ANKRD26: variants seen among roughly 807,000 people sequenced by gnomAD.
The protein encoded by ANKRD26 is ankyrin repeat domain-containing protein 26.
ANKRD26 carries 141 observed loss-of-function variants against 208.7 expected under a neutral mutation model. The observed-to-expected ratio is 0.68, with a 90% CI of 0.59 to 0.78. ANKRD26 has a LOEUF of 0.78. Ranked by LOEUF, ANKRD26 falls within the 30% of genes least tolerant of loss-of-function variation. The pLI is 0.00. For synonymous variants in ANKRD26, 636 were observed against 660.4 expected (o/e 0.96, Z 0.57); for missense variants, 1,889 against 1,938.7 (o/e 0.97, Z 0.48).
At chr10:26,992,525 G>T (rs994125403) in intron 5 of ANKRD26, among the ~76,000 whole-genome samples, 7 of 150,502 alleles carry the variant, frequency 4.7e-5, no homozygotes, top group African/African-American at 1.7e-4. Context: ...AAAAGAGAGA[G>T]ACTTTCCCAG....
At chr10:27,039,868 C>T in intron 21 of ANKRD26, 97 bp downstream of exon 21, 2 of 1,163,562 alleles carry the variant, frequency 1.7e-6, no homozygotes, top group Non-Finnish European at 2.5e-6. Context: ...AAGTTTTCTT[C>T]CCTGCTAAGC....
downstream of ANKRD26, among the ~76,000 whole-genome samples, chr10:26,989,654 G>A (rs566773967): frequency 6.6e-6 from 1 of 152,238 alleles, no homozygotes; most frequent in African/African-American, 2.4e-5. Context: ...TTCCCTAAAT[G>A]GGCAATCATG....
At chr10:27,096,910 G>A (rs768130091) in intron 1 of ANKRD26, among the ~76,000 whole-genome samples, 3 of 150,848 alleles carry the variant, frequency 2.0e-5, no homozygotes, top group African/African-American at 4.9e-5. Flanking sequence ...TATAACTAGC[G>A]GTGGTTCACG....
chr10:26,995,221 C>T (rs980867377), intron 4 of ANKRD26: 68 of 469,236 alleles, frequency 1.4e-4, no homozygotes, highest in South Asian at 5.4e-4. Flanking sequence ...CAAAACTTCA[C>T]GGAGGTTAAC....
At chr10:27,087,048 A>G (rs1458306325) in intron 4 of ANKRD26, among the ~76,000 whole-genome samples, 5 of 152,164 alleles carry the variant, frequency 3.3e-5, no homozygotes, top group Non-Finnish European at 7.4e-5. Flanking sequence ...CTGGGATTAC[A>G]GGCGTGAACC....
the ANKRD26 span, among the ~76,000 whole-genome samples, chr10:26,949,759 T>G: frequency 6.6e-6 from 1 of 152,178 alleles, no homozygotes; most frequent in Admixed American, 6.5e-5. Flanking sequence ...CTCCTCGACC[T>G]CCCAAAGTGC....
At chr10:26,960,337 C>T in the ANKRD26 span, among the ~76,000 whole-genome samples, 1,300 of 152,262 alleles carry the variant, frequency 8.5e-3, 18 homozygotes, top group African/African-American at 0.029. Context: ...CTTACCCTGC[C>T]GAAGGGCCAC....
At chr10:27,060,979 T>G (rs1210656642) in intron 13 of ANKRD26, among the ~76,000 whole-genome samples, 165 bp downstream of exon 13, 1 of 152,232 alleles carries the variant, frequency 6.6e-6, no homozygotes, top group Non-Finnish European at 1.5e-5. Flanking sequence ...CAAGTATTTA[T>G]CATGTTCTTC....
intron 12 of ANKRD26, chr10:27,062,035 G>A: frequency 8.1e-6 from 8 of 985,190 alleles, no homozygotes; most frequent in Non-Finnish European, 9.6e-6. Context: ...GTTCTCTCAA[G>A]TTTCCTCATC....
chr10:26,975,858 T>A (rs879456323), exon 6 of ANKRD26, among the ~76,000 whole-genome samples: 225 of 150,936 alleles, frequency 1.5e-3, no homozygotes, highest in Middle Eastern at 0.01. Context: ...AATAAATAAA[T>A]AATAAATAAA....
chr10:27,033,262 T>C lies in ANKRD26; in HGVS notation c.3770A>G (p.Gln1257Arg), dbSNP rs765561229. The stretch of plus-strand genomic sequence containing the variant: ...TTGACCTAATTTCTTCTTTAAATCC[T>C]GTGTCTCATCTTCTAAATTAATACG... ...RYRINLEDETQDLKKKLGQIR... is the reference protein window; with the variant it reads ...RYRINLEDETRDLKKKLGQIR... The change falls in exon 25 of 34, where the codon CAG (glutamine) becomes CGG (arginine). Residue 1257 changes from glutamine (Q) to arginine (R), a missense_variant. By Grantham distance (43) the Gln-to-Arg change is conservative. Around this residue, in one of 3 missense-constraint regions of ANKRD26, gnomAD observed 613 missense variants for 648.2 expected, o/e 0.95. Coordinates refer to ENST00000376087, the MANE Select transcript of ANKRD26 (RefSeq NM_014915.3). 1 of 1,612,138 alleles carries C rather than the reference T, an allele frequency of 6.2e-7. No individual in the cohort carries two copies. Among genetic ancestry groups the C allele is most frequent in the South Asian group, 1.1e-5 (1 of 90,954 alleles).
At chr10:27,008,775 C>T (rs1220048123) in intron 32 of ANKRD26, among the ~76,000 whole-genome samples, 1 of 152,186 alleles carries the variant, frequency 6.6e-6, no homozygotes, top group Non-Finnish European at 1.5e-5. Context: ...GTTGTTGCCT[C>T]TATTCCAGCC....
chr10:27,081,126 T>C (rs1441309336), intron 6 of ANKRD26, among the ~76,000 whole-genome samples: 1 of 152,204 alleles, frequency 6.6e-6, no homozygotes, highest in African/African-American at 2.4e-5. Context: ...AGTAGAAACC[T>C]TGAGAGTTTG....
chr10:26,981,528 G>T (rs1437574183), intron 4 of ANKRD26, among the ~76,000 whole-genome samples: 1 of 152,154 alleles, frequency 6.6e-6, no homozygotes, highest in Non-Finnish European at 1.5e-5. Context: ...CAGATTTATG[G>T]CTTATTTGGT....
At chr10:27,033,687 G>GT (rs1272020241) in intron 24 of ANKRD26, among the ~76,000 whole-genome samples, 3 of 152,170 alleles carry the variant, frequency 2.0e-5, no homozygotes, top group Non-Finnish European at 4.4e-5. Flanking sequence ...AAATAGTTAT[G>GT]TGAGTGGAAC....
chr10:27,093,246 G>A lies in ANKRD26; in HGVS notation c.531+103C>T, dbSNP rs1356506826. 4.7e-6 allele frequency: 5 copies of A among 1,054,636 alleles called. No homozygotes were observed. In the African/African-American group the frequency reaches 7.9e-5, roughly 17 times the overall value. 65.3% of individuals were successfully genotyped at this position (1,054,636 alleles called of 1,614,324 possible). A position where few individuals can be genotyped will look rare whatever the true frequency, so the allele number is the denominator to read the frequency against. ...GTTATTTTAAAATACTTTCAGTCAG[G>A]GAATGCTTGCGCTTCCAAATACAGA... is the stretch of plus-strand genomic sequence containing the variant. On this transcript the variant is annotated intron_variant, in intron 3 of 33. Coordinates refer to ENST00000376087, the MANE Select transcript of ANKRD26 (RefSeq NM_014915.3).
chr10:27,056,812 GA>G (rs1178380664), intron 15 of ANKRD26, among the ~76,000 whole-genome samples: 2 of 152,188 alleles, frequency 1.3e-5, no homozygotes, highest in East Asian at 3.9e-4. Flanking sequence ...TCATAACTAT[GA>G]TATTATGAAG....
chr10:26,954,288 A>T, the ANKRD26 span, among the ~76,000 whole-genome samples: 1 of 152,346 alleles, frequency 6.6e-6, no homozygotes, highest in Admixed American at 6.5e-5. Context: ...TACTCCAGAC[A>T]GGGAGCAAAT....
chr10:26,951,563 G>T, the ANKRD26 span, among the ~76,000 whole-genome samples: 3 of 152,258 alleles, frequency 2.0e-5, no homozygotes, highest in African/African-American at 7.2e-5. Context: ...ATAGTACACA[G>T]GACAGTTTTT....
Sources: gnomAD v4.1 joint callset for allele counts (sites outside exome capture counted in the v4.1 genomes callset) on GRCh38, gnomAD v4.1.1 for gene constraint, gnomAD v4.1.1 regional missense constraint, MANE v1.5 for transcripts, NCBI Gene and HGNC (gene_info 2026-07-23, HGNC 2026-07-21) for gene names.